Variants in NBPF14 observed in about 807,000 individuals in gnomAD.
NBPF14 encodes NBPF family member NBPF14.
A neutral mutation model predicts 91.2 loss-of-function variants in NBPF14; 104 were observed. The observed-to-expected ratio is 1.14, with a 90% confidence interval of 0.97 to 1.34. The LOEUF (loss-of-function observed/expected upper bound fraction) is 1.34, where lower values mean the gene tolerates loss of function less well. Among genes scored for constraint, NBPF14 ranks in the 40% most tolerant of loss-of-function variants. The pLI is 0.00. For missense variants in NBPF14, 908 were observed against 783.0 expected (o/e 1.16, Z -1.91); for synonymous variants, 294 against 303.8 (o/e 0.97, Z 0.34).
intron 28 of NBPF14, among the ~76,000 whole-genome samples, chr1:148,566,539 A>ACT (rs1380343609): frequency 8.2e-6 from 1 of 122,184 alleles, no homozygotes; most frequent in African/African-American, 2.9e-5. Flanking sequence ...ACACACACAC[A>ACT]CAAACACACA....
rs1660003267 is a variant in NBPF14 at position 148,577,236 on chromosome 1, CT to C, written c.1972del (p.Ser658ValfsTer70). On this transcript the variant is annotated frameshift_variant, in exon 15 of 71. Transcript: ENST00000619423. LOFTEE classifies it high-confidence loss of function. ...CTGTTGCTCCAATACATAAAAGGCA[CT>C]TCTGTAGGGCTGGCATGAGTCAGTC... is the stretch of plus-strand genomic sequence containing the variant. The C allele has an allele frequency of 1.5e-6, 1 of 677,662 alleles. No homozygotes were observed. Among genetic ancestry groups the C allele is most frequent in the East Asian group, 2.7e-5 (1 of 37,420 alleles). The allele number at this position is 677,662 out of a possible 1,614,324, so 42.0% of individuals were successfully genotyped here.
intron 7 of NBPF14, among the ~76,000 whole-genome samples, chr1:148,588,657 C>T (rs1661971674): frequency 6.6e-6 from 1 of 151,990 alleles, no homozygotes; most frequent in East Asian, 1.9e-4. Context: ...GCTCTTGATG[C>T]TGTCACTTAT....
chr1:148,559,725 G>C (rs1261419796), intron 37 of NBPF14, 68 bp downstream of exon 37: 1 of 826,572 alleles, frequency 1.2e-6, no homozygotes, highest in Admixed American at 2.0e-5. Context: ...AGGGCCACTT[G>C]CAGTAGGAAT....
At chr1:148,534,262 A>G (rs1654472880) in intron 69 of NBPF14, among the ~76,000 whole-genome samples, 1 of 151,656 alleles carries the variant, frequency 6.6e-6, no homozygotes, top group Admixed American at 6.6e-5. Flanking sequence ...TAAAGCAAAT[A>G]CCCTCAATGA....
At position 148,537,981 on chromosome 1, in the gene NBPF14, C is replaced by T. The variant is rs1199085469; in HGVS notation, c.7960G>A (p.Val2654Ile). The change falls in exon 65 of 71, where the codon GTA becomes ATA. Residue 2654 changes from valine (V) to isoleucine (I), a missense_variant. Physicochemically the swap from Val to Ile is conservative, Grantham distance 29 (BLOSUM62 3). This residue lies in a region of NBPF14 where 279 missense variants were observed against 107.7 expected (regional missense o/e 2.59). Transcript: ENST00000619423. ...GAGTCCTGCAAGACTTCAGGCTCTACTACCTCCAGGAGCTCCCTGCTGAGC... is the reference window on the plus strand; with the variant it reads ...GAGTCCTGCAAGACTTCAGGCTCTATTACCTCCAGGAGCTCCCTGCTGAGC... The T allele has an allele frequency of 9.4e-4, 355 of 378,548 alleles. 17 individuals are homozygous for T. Among genetic ancestry groups the T allele is most frequent in the Non-Finnish European group, 1.4e-3 (330 of 234,392 alleles). The allele number at this position is 378,548 out of a possible 1,614,324, so 23.4% of individuals were successfully genotyped here. A position where few individuals can be genotyped will look rare whatever the true frequency, so the allele number is the denominator to read the frequency against.
At chr1:148,534,080 G>A (rs1654379371) in intron 69 of NBPF14, 111 bp from the exon 70 acceptor site, 1 of 588,920 alleles carries the variant, frequency 1.7e-6, no homozygotes, top group Non-Finnish European at 3.0e-6. Context: ...CATAAGAATA[G>A]GACACTGTGA....
At chr1:148,588,600 G>C (rs1490353837) in intron 7 of NBPF14, among the ~76,000 whole-genome samples, 25 of 152,190 alleles carry the variant, frequency 1.6e-4, no homozygotes, top group Non-Finnish European at 2.9e-5. Context: ...GCCTCCCAAA[G>C]TGCTGGGATT....
intron 37 of NBPF14, among the ~76,000 whole-genome samples, chr1:148,559,393 C>G (rs1275150091): frequency 7.5e-6 from 1 of 134,072 alleles, no homozygotes; most frequent in Admixed American, 7.2e-5. Context: ...AGGAGAAAAA[C>G]TGCACTATTC....
rs1193492776 is a variant in NBPF14 at position 148,578,852 on chromosome 1, C to T, written c.1801+222G>A. 2.7e-5 allele frequency among the ~76,000 whole-genome samples: 4 copies of T among 149,452 alleles called. 1 individual carries two copies. Among genetic ancestry groups the T allele is most frequent in the African/African-American group, 7.4e-5 (3 of 40,774 alleles). On this transcript the variant is annotated intron_variant, in intron 13 of 70. Transcript: ENST00000619423. ...TGTCGTGACAGTCAGTCCAGGTTGG[C>T]ATGGGCATGGCCTGAGACTAGGAAG...
In NBPF14 at chr1:148,534,828, C is replaced by A. The variant is rs1283237379; in HGVS notation, c.8470G>T (p.Asp2824Tyr). Residue 2824 changes from aspartate to tyrosine, a missense_variant, in exon 69 of 71, where the codon GAT becomes TAT. By Grantham distance (160) the Asp-to-Tyr change is radical. Around this residue, in one of 13 missense-constraint regions of NBPF14, gnomAD observed 279 missense variants for 107.7 expected, o/e 2.59. Transcript: ENST00000619423. ...AGTGAGTCCTGCAAGACTTCAGGAT[C>A]TTTCTCATCCAGCAGCTCCCTGCTG... is the stretch of plus-strand genomic sequence containing the variant. The A allele has an allele frequency of 1.1e-4, 119 of 1,128,076 alleles. 2 individuals are homozygous for A. Among genetic ancestry groups the A allele is most frequent in the African/African-American group, 1.5e-4 (8 of 54,634 alleles). The allele number at this position is 1,128,076 out of a possible 1,614,324, so 69.9% of individuals were successfully genotyped here.
At chr1:148,557,112 G>A (rs1250475830) in intron 40 of NBPF14, among the ~76,000 whole-genome samples, 1 of 125,228 alleles carries the variant, frequency 8.0e-6, no homozygotes, top group Non-Finnish European at 1.6e-5. Flanking sequence ...AACGAGCTCA[G>A]TGAATTGTCC....
intron 3 of NBPF14, among the ~76,000 whole-genome samples, 171 bp downstream of exon 3, chr1:148,593,427 G>T (rs1179680050): frequency 2.0e-5 from 3 of 147,950 alleles, no homozygotes; most frequent in South Asian, 4.4e-4. Context: ...CTGCAACAGA[G>T]AACTTATTAT....
At chr1:148,591,313 A>G in intron 5 of NBPF14, 119 bp downstream of exon 5, 10 of 1,428,010 alleles carry the variant, frequency 7.0e-6, no homozygotes, top group Non-Finnish European at 9.8e-6. Flanking sequence ...GTTGAATTTC[A>G]CATACTGTGG....
chr1:148,587,225 C>T lies in NBPF14; in HGVS notation c.1091+76G>A, dbSNP rs1342874266. ...TTCCCCTGGCCCAGCTGAGCTCTTA[C>T]GTCTCCCCACTGAGCTGCTGTACTT... On this transcript the variant is annotated intron_variant, in intron 8 of 70. Transcript: ENST00000619423. 116 of 1,276,722 alleles carry T rather than the reference C, an allele frequency of 9.1e-5. 7 individuals carry two copies. The highest frequency in any genetic ancestry group is 2.8e-4 in the Middle Eastern group (1 of 3,604). 79.1% of individuals were successfully genotyped at this position (1,276,722 alleles called of 1,614,324 possible). A position where few individuals can be genotyped will look rare whatever the true frequency, so the allele number is the denominator to read the frequency against.
chr1:148,591,388 C>T (rs1662454187), intron 5 of NBPF14, 44 bp downstream of exon 5: 3 of 1,539,842 alleles, frequency 1.9e-6, no homozygotes, highest in Admixed American at 1.7e-5. Flanking sequence ...TAGACATTTT[C>T]ATACGTTACC....
intron 37 of NBPF14, 114 bp downstream of exon 37, chr1:148,559,679 G>A (rs1249745256): frequency 7.6e-6 from 5 of 656,472 alleles, no homozygotes; most frequent in Non-Finnish European, 1.3e-5. Context: ...GTGCCTATAG[G>A]TCCTCCCTGT....
At chr1:148,566,695 C>A (rs1277010803) in intron 28 of NBPF14, among the ~76,000 whole-genome samples, 1 of 119,128 alleles carries the variant, frequency 8.4e-6, no homozygotes, top group African/African-American at 3.3e-5. Flanking sequence ...ATAAAATGTG[C>A]TCAAGTTTCC....
At chr1:148,591,367 G>C in intron 5 of NBPF14, 65 bp downstream of exon 5, 1 of 1,477,426 alleles carries the variant, frequency 6.8e-7, no homozygotes, top group Non-Finnish European at 9.4e-7. Flanking sequence ...TGCCAGAGAG[G>C]GTGTGCCTCC....
exon 63 of NBPF14, chr1:148,539,446 C>G: frequency 6.4e-6 from 2 of 314,372 alleles, no homozygotes; most frequent in Non-Finnish European, 1.1e-5. Context: ...TACTGTTCCT[C>G]CAATGAGTAA....
Sources: allele counts gnomAD v4.1 joint callset (sites outside exome capture counted in the v4.1 genomes callset), GRCh38; gene constraint gnomAD v4.1.1; regional missense constraint gnomAD v4.1.1; transcripts MANE v1.5; gene names NCBI Gene and HGNC (gene_info 2026-07-23, HGNC 2026-07-21).